The following ZNF407 variants were observed in gnomAD, a reference collection of about 807,000 sequenced individuals.
ZNF407 encodes the protein zinc finger protein 407.
A neutral mutation model predicts 131.2 loss-of-function variants in ZNF407; 17 were observed. That is an observed-to-expected ratio of 0.13 (90% CI 0.09 to 0.19). The LOEUF (loss-of-function observed/expected upper bound fraction) is 0.19, where lower values mean the gene tolerates loss of function less well. Among genes scored for constraint, ZNF407 ranks in the 10% least tolerant of loss-of-function variants. ZNF407 has a pLI of 1.00. For missense variants in ZNF407, 2,681 were observed against 2,830.6 expected, an observed-to-expected ratio of 0.95 and a Z score of 1.20; for synonymous variants, 1,156 against 1,062.0, an observed-to-expected ratio of 1.09 and a Z score of -1.72.
intron 4 of ZNF407, among the ~76,000 whole-genome samples, chr18:74,863,719 A>G (rs1318647301): frequency 6.6e-6 from 1 of 152,186 alleles, no homozygotes; most frequent in African/African-American, 2.4e-5. Flanking sequence ...ATGTTTTTCT[A>G]TTCTAGTCTC....
chr18:74,807,209 G>A (rs1970123319), intron 4 of ZNF407, among the ~76,000 whole-genome samples: 1 of 152,162 alleles, frequency 6.6e-6, no homozygotes, highest in Non-Finnish European at 1.5e-5. Flanking sequence ...GAGTAGGAAC[G>A]TGAATGATGA....
intron 3 of ZNF407, among the ~76,000 whole-genome samples, chr18:74,676,555 A>T (rs181845765): frequency 6.7e-6 from 1 of 150,344 alleles, no homozygotes; most frequent in Non-Finnish European, 1.5e-5. Context: ...TCCTGCCTCA[A>T]CCTCCCGAGT....
chr18:74,670,975 C>A (rs1599056357), intron 3 of ZNF407, among the ~76,000 whole-genome samples: 1 of 152,188 alleles, frequency 6.6e-6, no homozygotes, highest in African/African-American at 2.4e-5. Flanking sequence ...CCATCTTGAC[C>A]ATTTTTGAGT....
At chr18:74,676,374 G>A (rs956003486) in intron 3 of ZNF407, among the ~76,000 whole-genome samples, 2 of 151,862 alleles carry the variant, frequency 1.3e-5, no homozygotes, top group Admixed American at 6.6e-5. Flanking sequence ...TTATAGGCAT[G>A]AGCCACTGTG....
rs372408214 is a variant in ZNF407, at chr18:74,634,040, C to G, written c.3021C>G (p.Ser1007=). 1 of 1,613,952 alleles carries G rather than the reference C, an allele frequency of 6.2e-7. No individual in the cohort carries two copies. Among genetic ancestry groups the G allele is most frequent in the Non-Finnish European group, 8.5e-7 (1 of 1,179,882 alleles). ...TCGCCCAGCCGGGGGATGTGTACTC[C>G]CAGAGAGATGTTACAGGCACAGGTG... ...EDFAQPGDVY[S]QRDVTGTGEN... Residue 1007 remains serine (S), a synonymous_variant, in exon 2 of 9, where the codon TCC becomes TCG. Transcript: ENST00000299687.
At chr18:75,017,650 C>A (rs1973060692) in intron 8 of ZNF407, among the ~76,000 whole-genome samples, 4 of 152,134 alleles carry the variant, frequency 2.6e-5, no homozygotes. Context: ...ATGCTTACCA[C>A]CAGTCTTCAA....
At chr18:74,913,394 GGGT>G (rs1458181561) in intron 7 of ZNF407, among the ~76,000 whole-genome samples, 3 of 152,204 alleles carry the variant, frequency 2.0e-5, no homozygotes, top group Non-Finnish European at 4.4e-5. Flanking sequence ...AAGAAGGTAA[GGGT>G]GGGAGTAGAG....
In ZNF407 at chr18:74,652,785, T is replaced by C. The variant is rs189100666; in HGVS notation, c.4802+11663T>C. On this transcript the variant is annotated intron_variant, in intron 3 of 8. Transcript: ENST00000299687. ...CAGAACCAATGCACATAACACAGTT[T>C]AGTTTCTCCTTCGGTAAATTACATT... is the stretch of plus-strand genomic sequence containing the variant. 3.0e-3 allele frequency among the ~76,000 whole-genome samples: 462 copies of C among 152,126 alleles called. 6 individuals carry two copies. The highest frequency in any genetic ancestry group is 0.01 in the African/African-American group (426 of 41,558).
chr18:75,031,384 C>T (rs1973238080), intron 8 of ZNF407, among the ~76,000 whole-genome samples: 1 of 152,082 alleles, frequency 6.6e-6, no homozygotes, highest in South Asian at 2.1e-4. Context: ...GAATAGTTTT[C>T]CTTACCTTTT....
intron 3 of ZNF407, among the ~76,000 whole-genome samples, chr18:74,647,506 A>G (rs1985027958): frequency 6.6e-6 from 1 of 152,036 alleles, no homozygotes; most frequent in African/African-American, 2.4e-5. Flanking sequence ...CCACAGTAGA[A>G]TATTAGGTGG....
intron 8 of ZNF407, among the ~76,000 whole-genome samples, chr18:75,044,700 A>G (rs954303685): frequency 9.9e-5 from 15 of 152,234 alleles, no homozygotes; most frequent in Admixed American, 2.0e-4. Flanking sequence ...TTTAAAATAA[A>G]TATATTTTAT....
intron 6 of ZNF407, among the ~76,000 whole-genome samples, chr18:74,884,575 T>G (rs1414364265): frequency 3.3e-5 from 5 of 152,180 alleles, no homozygotes; most frequent in African/African-American, 1.2e-4. Flanking sequence ...AATTCAAACT[T>G]GCTTAATATT....
At chr18:74,852,217 G>A (rs947370651) in intron 4 of ZNF407, among the ~76,000 whole-genome samples, 47 of 151,812 alleles carry the variant, frequency 3.1e-4, no homozygotes, top group Non-Finnish European at 4.0e-4. Flanking sequence ...GCACGCGCAC[G>A]CGCGCGCGCA....
intron 7 of ZNF407, among the ~76,000 whole-genome samples, chr18:74,920,134 A>G (rs1019135179): frequency 5.3e-5 from 8 of 152,226 alleles, no homozygotes; most frequent in Non-Finnish European, 1.2e-4. Context: ...CAGATGCTCT[A>G]AATTCAGTGG....
At position 74,632,551 on chromosome 18, in the gene ZNF407, C is replaced by G; in HGVS notation, c.1532C>G (p.Ser511Cys). 1 of 1,614,026 alleles carries G rather than the reference C, an allele frequency of 6.2e-7. No individual in the cohort carries two copies. The highest frequency in any genetic ancestry group is 8.5e-7 in the Non-Finnish European group (1 of 1,179,898). Residue 511 changes from serine (S) to cysteine (C), a missense_variant, in exon 2 of 9, where the codon TCC becomes TGC. Coordinates refer to ENST00000299687, the MANE Select transcript of ZNF407 (RefSeq NM_017757.3). ...CAGGGGAGTGCCCGTCCTCCGGACT[C>G]CGGGCTGCATTCCCTGACAGTGAAG... ...QGQGSARPPD[S>C]GLHSLTVKPA...
chr18:75,015,303 G>T (rs1973029845), intron 8 of ZNF407, among the ~76,000 whole-genome samples: 1 of 151,678 alleles, frequency 6.6e-6, no homozygotes, highest in Admixed American at 6.6e-5. Context: ...AGCAGTCAGG[G>T]TATCGATGCT....
At chr18:74,776,875 T>C (rs1488704844) in intron 3 of ZNF407, among the ~76,000 whole-genome samples, 1 of 152,186 alleles carries the variant, frequency 6.6e-6, no homozygotes, top group East Asian at 1.9e-4. Context: ...AGAAAATGTG[T>C]ATATTTAGTA....
intron 5 of ZNF407, among the ~76,000 whole-genome samples, chr18:74,878,845 ACT>A (rs1196225968): frequency 6.7e-5 from 10 of 148,870 alleles, no homozygotes; most frequent in African/African-American, 2.2e-4. Context: ...CAAAAAAAAC[ACT>A]CTGTTTGGCT....
intron 4 of ZNF407, among the ~76,000 whole-genome samples, chr18:74,809,478 G>A (rs1031765064): frequency 5.3e-5 from 8 of 152,168 alleles, no homozygotes; most frequent in Admixed American, 1.3e-4. Flanking sequence ...TTTTAAGAAG[G>A]TTTTTCTTAT....
Sources: allele counts gnomAD v4.1 joint callset (sites outside exome capture counted in the v4.1 genomes callset), GRCh38; gene constraint gnomAD v4.1.1; transcripts MANE v1.5; gene names NCBI Gene and HGNC (gene_info 2026-07-23, HGNC 2026-07-21).